Variants in RSF1 observed in about 807,000 individuals in gnomAD.
RSF1 encodes HBV pX-associated protein 8.
RSF1 carries 13 observed loss-of-function variants against 145.2 expected under a neutral mutation model. That is an observed-to-expected ratio of 0.09 (90% CI 0.06 to 0.14). The LOEUF (loss-of-function observed/expected upper bound fraction) is 0.14, where lower values mean the gene tolerates loss of function less well. Among genes scored for constraint, RSF1 ranks in the 10% least tolerant of loss-of-function variants. The pLI is 1.00. For missense variants in RSF1, 1,517 were observed against 1,718.2 expected (o/e 0.88, Z 2.07); for synonymous variants, 577 against 592.6 (o/e 0.97, Z 0.38).
In RSF1 at chr11:77,740,715, T is replaced by C. The variant is rs975164301; in HGVS notation, c.578+16A>G. On this transcript the variant is annotated intron_variant, in intron 4 of 15. Transcript: ENST00000308488. ...AAACACACAAATAAGTGTAAAAAGG[T>C]TCCAATAAAAGATACCTGACAATGC... 1 of 1,600,902 alleles carries C rather than the reference T, an allele frequency of 6.2e-7. No individual in the cohort carries two copies. The highest frequency in any genetic ancestry group is 1.3e-5 in the African/African-American group (1 of 74,612).
chr11:77,725,615 G>A lies in RSF1; in HGVS notation c.663C>T (p.Asp221=). The change falls in exon 5 of 16, where the codon GAC becomes GAT. Residue 221 remains aspartate, a synonymous_variant. Transcript: ENST00000308488. ...AGCTGGGACTTTCCCGAGAAGAGTT[G>A]TCTTGTTGGCTAGAGTTTTTCAATA... is the stretch of plus-strand genomic sequence containing the variant. ...PVLLKNSSQQ[D]NSSRESPSLE... is the part of the protein sequence containing the mutation. 1.2e-6 allele frequency: 2 copies of A among 1,611,594 alleles called. No individual in the cohort carries two copies. Among genetic ancestry groups the A allele is most frequent in the Non-Finnish European group, 1.7e-6 (2 of 1,178,780 alleles).
the RSF1 span, among the ~76,000 whole-genome samples, chr11:77,851,823 T>G: frequency 6.6e-6 from 1 of 152,164 alleles, no homozygotes; most frequent in Non-Finnish European, 1.5e-5. Flanking sequence ...TGTGAAGCAA[T>G]TAAACCTCTT....
At chr11:77,676,735 G>A (rs1959711479) in intron 13 of RSF1, 57 bp downstream of exon 13, 1 of 1,495,520 alleles carries the variant, frequency 6.7e-7, no homozygotes, top group Non-Finnish European at 9.2e-7. Context: ...CTCTCTGCTA[G>A]CCCAGTCCTG....
At chr11:77,831,937 T>A in the RSF1 span, 11 of 148,592 alleles carry the variant, frequency 7.4e-5, no homozygotes, top group African/African-American at 2.7e-4. Context: ...CTTGAACTCC[T>A]GACCTCAAGT....
chr11:77,798,889 G>A lies in RSF1; in HGVS notation c.187+21639C>T, dbSNP rs144464700. ...AGGAGACATACCTAATGTAGGTGAC[G>A]GGTTGATGGCACGTGTATACCTATG... On this transcript the variant is annotated intron_variant, in intron 1 of 15. Transcript: ENST00000308488. Among the ~76,000 whole-genome samples, 1,104 of 151,176 alleles carry A rather than the reference G, an allele frequency of 7.3e-3. 8 individuals carry two copies. Among genetic ancestry groups the A allele is most frequent in the Non-Finnish European group, 0.011 (715 of 67,858 alleles).
In RSF1 at chr11:77,675,054, C is replaced by T. The variant is rs998041382; in HGVS notation, c.3544G>A (p.Glu1182Lys). The T allele has an allele frequency of 1.2e-6, 2 of 1,611,880 alleles. No individual in the cohort carries two copies. Among genetic ancestry groups the T allele is most frequent in the Non-Finnish European group, 1.7e-6 (2 of 1,179,140 alleles). Residue 1182 changes from glutamate (E) to lysine (K), a missense_variant, in exon 14 of 16, where the codon GAG becomes AAG. Coordinates refer to ENST00000308488, the MANE Select transcript of RSF1 (RefSeq NM_016578.4). ...TTTTTACCAGAGTCTCTACTATTCT[C>T]CTCAGATTCCTCCTCTTCATCATCA... is the stretch of plus-strand genomic sequence containing the variant. ...SDDDEEEESE[E>K]NSRDSESDFS...
intron 3 of RSF1, among the ~76,000 whole-genome samples, chr11:77,743,613 G>A (rs777044149): frequency 3.9e-5 from 6 of 152,270 alleles, no homozygotes; most frequent in Non-Finnish European, 7.4e-5. Flanking sequence ...CTAATAGTCT[G>A]TTGGTAGAGT....
intron 1 of RSF1, among the ~76,000 whole-genome samples, chr11:77,791,702 C>T (rs1408344993): frequency 6.6e-6 from 1 of 152,244 alleles, no homozygotes; most frequent in Non-Finnish European, 1.5e-5. Flanking sequence ...GGGAAAATGT[C>T]GCCAGTCTCT....
At chr11:77,862,912 A>G in the RSF1 span, among the ~76,000 whole-genome samples, 3 of 152,220 alleles carry the variant, frequency 2.0e-5, no homozygotes, top group East Asian at 1.9e-4. Context: ...TCTCCAGAAT[A>G]TATCTTAGGG....
the RSF1 span, among the ~76,000 whole-genome samples, chr11:77,833,005 A>AT: frequency 3.0e-5 from 2 of 65,734 alleles, no homozygotes; most frequent in African/African-American, 1.5e-4. Context: ...GTGTATATAT[A>AT]TATATTTTTT....
intron 4 of RSF1, among the ~76,000 whole-genome samples, chr11:77,734,150 T>C (rs1019907032): frequency 6.6e-6 from 1 of 152,200 alleles, no homozygotes; most frequent in Non-Finnish European, 1.5e-5. Context: ...GTTCAAATGT[T>C]AACAATTTCA....
At chr11:77,817,536 T>C (rs1948793233) in intron 1 of RSF1, among the ~76,000 whole-genome samples, 2 of 152,120 alleles carry the variant, frequency 1.3e-5, no homozygotes, top group African/African-American at 4.8e-5. Context: ...ATTTAAACTA[T>C]CAGATGGAGT....
intron 5 of RSF1, among the ~76,000 whole-genome samples, chr11:77,710,212 T>C (rs1046646501): frequency 1.3e-5 from 2 of 152,182 alleles, no homozygotes; most frequent in Admixed American, 6.5e-5. Context: ...CAAAATGATG[T>C]TTTGAAATAT....
chr11:77,698,593 G>A lies in RSF1; in HGVS notation c.2609C>T (p.Ser870Leu), dbSNP rs368132395. The A allele has an allele frequency of 2.2e-5, 36 of 1,613,922 alleles. No individual in the cohort carries two copies. Among genetic ancestry groups the A allele is most frequent in the Non-Finnish European group, 3.0e-5 (35 of 1,179,964 alleles). ...DESEGSGSEKSSAASEEEEEK... is the reference protein window; with the variant it reads ...DESEGSGSEKLSAASEEEEEK... Reference sequence around the variant, plus strand: ...TTCCTCCTCTTCTGAAGCTGCAGATGATTTTTCACTGCCAGACCCTTCACT... The same window carrying A: ...TTCCTCCTCTTCTGAAGCTGCAGATAATTTTTCACTGCCAGACCCTTCACT... The change falls in exon 7 of 16, where the codon TCA (serine) becomes TTA (leucine). Residue 870 changes from serine (S) to leucine (L), a missense_variant. Physicochemically the swap from Ser to Leu is moderately radical, Grantham distance 145. Around this residue, in one of 12 missense-constraint regions of RSF1, gnomAD observed 579 missense variants for 553.5 expected, o/e 1.05. Coordinates refer to ENST00000308488, the MANE Select transcript of RSF1 (RefSeq NM_016578.4).
intron 4 of RSF1, chr11:77,739,074 G>A (rs1485735104): frequency 6.6e-6 from 1 of 151,932 alleles, no homozygotes; most frequent in Non-Finnish European, 1.5e-5. Context: ...CGAGTAGCTG[G>A]GAGTACAGGC....
chr11:77,775,713 T>C (rs1306062261), intron 1 of RSF1, among the ~76,000 whole-genome samples: 3 of 152,194 alleles, frequency 2.0e-5, no homozygotes, highest in Non-Finnish European at 4.4e-5. Context: ...GGAAGGAGGA[T>C]AGCTGGAAGC....
chr11:77,826,015 A>G, the RSF1 span, among the ~76,000 whole-genome samples: 1 of 152,100 alleles, frequency 6.6e-6, no homozygotes, highest in African/African-American at 2.4e-5. Flanking sequence ...AGACTTATGC[A>G]TGAGTCTATT....
rs184150596 is a variant in RSF1 at position 77,801,514 on chromosome 11, A to G, written c.187+19014T>C. On this transcript the variant is annotated intron_variant, in intron 1 of 15. Coordinates refer to ENST00000308488, the MANE Select transcript of RSF1 (RefSeq NM_016578.4). ...AAATCCTTGTAAATTCCTGAGTGAT[A>G]GGGCACTAGCAGCATCTTTTGTTCT... 1.9e-3 allele frequency among the ~76,000 whole-genome samples: 286 copies of G among 152,290 alleles called. 4 individuals carry two copies. Among genetic ancestry groups the G allele is most frequent in the African/African-American group, 6.7e-3 (278 of 41,570 alleles).
intron 7 of RSF1, 94 bp downstream of exon 7, chr11:77,698,393 T>A: frequency 1.0e-6 from 1 of 995,308 alleles, no homozygotes; most frequent in Non-Finnish European, 1.6e-6. Context: ...ATTAAGAAAT[T>A]CAAATAATGA....
Sources: allele counts gnomAD v4.1 joint callset (sites outside exome capture counted in the v4.1 genomes callset), GRCh38; gene constraint gnomAD v4.1.1; regional missense constraint gnomAD v4.1.1; transcripts MANE v1.5; gene names NCBI Gene and HGNC (gene_info 2026-07-23, HGNC 2026-07-21).